The following UNC5B variants were observed in gnomAD, a reference collection of about 807,000 sequenced individuals.
The protein encoded by UNC5B is netrin receptor UNC5B.
Under a neutral mutation model 103.7 loss-of-function variants are expected in UNC5B, and 56 were observed. The observed-to-expected ratio is 0.54, with a 90% CI of 0.44 to 0.67. UNC5B has a LOEUF of 0.67. Among genes scored for constraint, UNC5B ranks in the 30% least tolerant of loss-of-function variants. The pLI, the probability that UNC5B is intolerant of heterozygous loss-of-function variation, is 0.00. For synonymous variants in UNC5B, 577 were observed against 542.0 expected (o/e 1.06, Z -0.90); for missense variants, 1,194 against 1,284.5 (o/e 0.93, Z 1.08).
At chr10:71,295,767 GC>G in intron 13 of UNC5B, 43 bp from the exon 14 acceptor site, 3 of 1,593,878 alleles carry the variant, frequency 1.9e-6, no homozygotes, top group Non-Finnish European at 2.6e-6. Flanking sequence ...AGGCCCATTG[GC>G]CAGGTGTGAT....
intron 1 of UNC5B, among the ~76,000 whole-genome samples, chr10:71,229,711 C>G: frequency 6.6e-6 from 1 of 152,168 alleles, no homozygotes. Flanking sequence ...TTCCAAGGCT[C>G]CTTCTAGGGA....
chr10:71,282,063 A>G (rs916308410), intron 2 of UNC5B, among the ~76,000 whole-genome samples: 1 of 145,242 alleles, frequency 6.9e-6, no homozygotes, highest in African/African-American at 2.7e-5. Context: ...ACTAATAGTA[A>G]CAGCATGGCC....
At position 71,255,500 on chromosome 10, in the gene UNC5B, A is replaced by G. The variant is rs78446710; in HGVS notation, c.80-24321A>G. 2.2e-4 allele frequency among the ~76,000 whole-genome samples: 33 copies of G among 152,272 alleles called. 1 individual carries two copies. The East Asian group carries it at 6.4e-3, about 29-fold the overall frequency. On this transcript the variant is annotated intron_variant, in intron 1 of 16. Coordinates refer to ENST00000335350, the MANE Select transcript of UNC5B (RefSeq NM_170744.5). The stretch of plus-strand genomic sequence containing the variant: ...GGGGAGGGAATGTGAATTGACACAA[A>G]AGGAGCTTGGGGCTCTCACTTCCAG...
intron 1 of UNC5B, among the ~76,000 whole-genome samples, chr10:71,234,255 C>T (rs1309139338): frequency 2.0e-5 from 3 of 152,190 alleles, no homozygotes; most frequent in Non-Finnish European, 2.9e-5. Context: ...GCCCTTGGCC[C>T]GCACTTGACA....
Position 71,291,510 on chromosome 10 carries a change from C to T in UNC5B, c.1373C>T (p.Ala458Val), listed in dbSNP as rs147596189. ...SAGIYRGPVY[A>V]LQDSTDKIPM... ...GGCATCTACCGCGGACCCGTGTATG[C>T]CCTGCAGGACTCCACCGACAAAATC... Residue 458 changes from alanine (A) to valine (V), a missense_variant, in exon 10 of 17, where the codon GCC becomes GTC. Ala to Val is a moderately conservative substitution (Grantham distance 64). Transcript: ENST00000335350. 4.8e-5 allele frequency: 77 copies of T among 1,614,156 alleles called. No individual in the cohort carries two copies. The African/African-American group carries it at 8.8e-4, about 18-fold the overall frequency.
At chr10:71,218,762 G>C (rs1843390724) in intron 1 of UNC5B, among the ~76,000 whole-genome samples, 1 of 152,204 alleles carries the variant, frequency 6.6e-6, no homozygotes, top group African/African-American at 2.4e-5. Context: ...TCTCTGACCT[G>C]GGTCAGCTTA....
At chr10:71,227,701 C>CATAT (rs1564707092) in intron 1 of UNC5B, among the ~76,000 whole-genome samples, 1,345 of 114,300 alleles carry the variant, frequency 0.012, 75 homozygotes, top group African/African-American at 0.05. Flanking sequence ...TATATATACA[C>CATAT]ACATATACAC....
chr10:71,241,162 G>A (rs1242693434), intron 1 of UNC5B, among the ~76,000 whole-genome samples: 1 of 152,200 alleles, frequency 6.6e-6, no homozygotes, highest in Non-Finnish European at 1.5e-5. Context: ...GAGAAGTCAA[G>A]CAACCAGCTG....
chr10:71,277,328 T>G (rs1370216821), intron 1 of UNC5B, among the ~76,000 whole-genome samples: 1 of 152,194 alleles, frequency 6.6e-6, no homozygotes, highest in Admixed American at 6.5e-5. Flanking sequence ...ATTTCAAAGA[T>G]GAGCTGCCTG....
intron 1 of UNC5B, among the ~76,000 whole-genome samples, chr10:71,242,026 G>A (rs1381283571): frequency 6.6e-6 from 1 of 152,138 alleles, no homozygotes; most frequent in Non-Finnish European, 1.5e-5. Context: ...GGTGCTCAGA[G>A]AGGCTGCACA....
At chr10:71,295,052 C>T (rs919262817) in intron 13 of UNC5B, among the ~76,000 whole-genome samples, 2 of 152,176 alleles carry the variant, frequency 1.3e-5, no homozygotes, top group African/African-American at 2.4e-5. Flanking sequence ...TCCCTGGCCC[C>T]GTCCAGCTCC....
intron 1 of UNC5B, among the ~76,000 whole-genome samples, chr10:71,236,523 G>A (rs570950291): frequency 6.6e-6 from 1 of 152,342 alleles, no homozygotes; most frequent in African/African-American, 2.4e-5. Context: ...GGAGGAGCTG[G>A]CTGTTAAGCT....
At chr10:71,249,280 C>A (rs935863385) in intron 1 of UNC5B, among the ~76,000 whole-genome samples, 1 of 152,214 alleles carries the variant, frequency 6.6e-6, no homozygotes, top group Non-Finnish European at 1.5e-5. Flanking sequence ...GCACCAGTAA[C>A]CTGGCATGGC....
chr10:71,295,771 G>A (rs779686441), intron 13 of UNC5B, 40 bp from the exon 14 acceptor site: 1 of 1,597,928 alleles, frequency 6.3e-7, no homozygotes, highest in East Asian at 2.3e-5. Flanking sequence ...CCATTGGCCA[G>A]GTGTGATGGG....
chr10:71,233,445 C>T (rs966462130), intron 1 of UNC5B, among the ~76,000 whole-genome samples: 5 of 152,208 alleles, frequency 3.3e-5, no homozygotes, highest in Admixed American at 6.5e-5. Flanking sequence ...AAGATGCTGG[C>T]GGCTTCAGCC....
intron 1 of UNC5B, among the ~76,000 whole-genome samples, chr10:71,245,839 G>A (rs138020163): frequency 1.3e-5 from 2 of 152,310 alleles, no homozygotes; most frequent in Non-Finnish European, 2.9e-5. Flanking sequence ...GACCCGGCTT[G>A]TCATCCTGCC....
intron 16 of UNC5B, 139 bp downstream of exon 16, chr10:71,298,229 C>G: frequency 1.0e-6 from 1 of 967,418 alleles, no homozygotes; most frequent in Non-Finnish European, 1.5e-6. Flanking sequence ...GGCAAATCAG[C>G]AACTCAGGAT....
chr10:71,248,863 TCTCTCACACA>T (rs1219637687), intron 1 of UNC5B, among the ~76,000 whole-genome samples: 13 of 30,760 alleles, frequency 4.2e-4, no homozygotes, highest in East Asian at 7.0e-4. Flanking sequence ...TCTCTCTCTC[TCTCTCACACA>T]CACACACACA....
intron 2 of UNC5B, among the ~76,000 whole-genome samples, chr10:71,281,477 A>T (rs974096833): frequency 1.3e-5 from 2 of 152,032 alleles, no homozygotes; most frequent in Admixed American, 6.6e-5. Flanking sequence ...AGTAGCTGGG[A>T]CTACAGGCGC....
Sources: allele counts gnomAD v4.1 joint callset (sites outside exome capture counted in the v4.1 genomes callset), GRCh38; gene constraint gnomAD v4.1.1; transcripts MANE v1.5; gene names NCBI Gene and HGNC (gene_info 2026-07-23, HGNC 2026-07-21).